Variants in INO80C observed in about 807,000 individuals in gnomAD.
INO80C encodes the protein IES6 homolog.
Under a neutral mutation model 17.7 loss-of-function variants are expected in INO80C, and 17 were observed. That is an observed-to-expected ratio of 0.96 (90% CI 0.66 to 1.44). The LOEUF is 1.44. Among genes scored for constraint, INO80C ranks in the 40% most tolerant of loss-of-function variants. INO80C has a pLI of 0.00. For synonymous variants in INO80C, 96 were observed against 95.8 expected, an observed-to-expected ratio of 1.00 and a Z score of -0.01; for missense variants, 244 against 245.0, an observed-to-expected ratio of 1.00 and a Z score of 0.03.
intron 1 of INO80C, among the ~76,000 whole-genome samples, chr18:35,484,893 T>C (rs567059523): frequency 1.3e-5 from 2 of 152,198 alleles, no homozygotes; most frequent in Admixed American, 6.5e-5. Flanking sequence ...AAGAAAGCAC[T>C]TGTGTCAGTT....
At chr18:35,484,745 G>C (rs2045853007) in intron 1 of INO80C, among the ~76,000 whole-genome samples, 1 of 152,150 alleles carries the variant, frequency 6.6e-6, no homozygotes, top group African/African-American at 2.4e-5. Flanking sequence ...GGTACCCATA[G>C]GAGGTCCTGG....
chr18:35,497,445 G>C, intron 1 of INO80C: 1 of 1,241,898 alleles, frequency 8.1e-7, no homozygotes, highest in Non-Finnish European at 1.0e-6. Context: ...CATGCTAAAG[G>C]CGACCTCGAG....
At chr18:35,470,603 T>C (rs1367158992) in intron 4 of INO80C, among the ~76,000 whole-genome samples, 1 of 152,296 alleles carries the variant, frequency 6.6e-6, no homozygotes, top group East Asian at 1.9e-4. Context: ...CTGAGCTCCA[T>C]GTCTGTGGCT....
Position 35,478,278 on chromosome 18 carries a change from T to A in INO80C, c.447+4A>T. On this transcript the variant is annotated splice_donor_region_variant and intron_variant, in intron 4 of 4. Transcript: ENST00000334598. ...AATGTTATAAGAGATATAATCATAC[T>A]CACAAGCAGACCTGAAACATCAGAA... 1.9e-6 allele frequency: 3 copies of A among 1,586,146 alleles called. No homozygotes were observed. The highest frequency in any genetic ancestry group is 2.6e-6 in the Non-Finnish European group (3 of 1,158,030).
chr18:35,469,621 G>A (rs938749325), intron 4 of INO80C, among the ~76,000 whole-genome samples: 12 of 152,080 alleles, frequency 7.9e-5, no homozygotes, highest in African/African-American at 1.5e-4. Flanking sequence ...ACCCCCACAG[G>A]AGGTCAGAAC....
intron 1 of INO80C, 123 bp from the exon 2 acceptor site, chr18:35,480,686 G>T: frequency 1.4e-6 from 1 of 727,460 alleles, no homozygotes; most frequent in Non-Finnish European, 2.4e-6. Context: ...TATGCCCAGA[G>T]CTCCAGCAGG....
intron 4 of INO80C, among the ~76,000 whole-genome samples, chr18:35,472,655 C>G (rs1391862254): frequency 6.6e-6 from 1 of 152,070 alleles, no homozygotes; most frequent in Non-Finnish European, 1.5e-5. Flanking sequence ...TTTTTTTAAT[C>G]TCAACAGACT....
At chr18:35,497,553 A>C in intron 1 of INO80C, 166 bp downstream of exon 1, 1 of 1,415,220 alleles carries the variant, frequency 7.1e-7, no homozygotes, top group Non-Finnish European at 9.2e-7. Context: ...CCATGTGTCC[A>C]AACGAAGGGA....
intron 1 of INO80C, among the ~76,000 whole-genome samples, chr18:35,481,816 G>A (rs1332951319): frequency 2.6e-5 from 4 of 152,084 alleles, no homozygotes; most frequent in African/African-American, 4.8e-5. Flanking sequence ...CCTGGGAGGC[G>A]GAGGCTGCAG....
chr18:35,495,500 T>G (rs2045971944), intron 1 of INO80C, among the ~76,000 whole-genome samples: 2 of 152,160 alleles, frequency 1.3e-5, no homozygotes, highest in Admixed American at 1.3e-4. Flanking sequence ...CAGCTTCTCC[T>G]GAGGCTGCTG....
rs1403611211 is a variant in INO80C at position 35,478,281 on chromosome 18, C to G, written c.447+1G>C. 8 of 1,592,448 alleles carry G rather than the reference C, an allele frequency of 5.0e-6. No individual in the cohort carries two copies. Among genetic ancestry groups the G allele is most frequent in the Non-Finnish European group, 6.9e-6 (8 of 1,163,864 alleles). The stretch of plus-strand genomic sequence containing the variant: ...GTTATAAGAGATATAATCATACTCA[C>G]AAGCAGACCTGAAACATCAGAATAC... On this transcript the variant is annotated splice_donor_variant, in intron 4 of 4. Transcript: ENST00000334598. LOFTEE classifies it high-confidence loss of function.
intron 4 of INO80C, among the ~76,000 whole-genome samples, chr18:35,472,577 T>C (rs2045683557): frequency 6.6e-6 from 1 of 152,222 alleles, no homozygotes. Context: ...GTAGTTTCTT[T>C]TGCTGTGTGC....
At chr18:35,489,262 T>C in intron 1 of INO80C, 1 of 253,912 alleles carries the variant, frequency 3.9e-6, no homozygotes, top group Non-Finnish European at 7.8e-6. Context: ...TTAGTCCATT[T>C]TCATGCTGCT....
Position 35,479,369 on chromosome 18 carries a change from TTC to T in INO80C, c.308_309del (p.Arg103AsnfsTer12). Reference protein sequence around the residue: ...HGGAVAGKKNRTWKNLKQILA... With the variant: ...HGGAVAGKKNXTWKNLKQILA... ...AGGATTTGTTTCAGGTTCTTCCAGG[TTC>T]TGTTCTTCTTGCCAGCTACTGCGCC... On this transcript the variant is annotated frameshift_variant, in exon 3 of 5. Transcript: ENST00000334598. LOFTEE classifies it high-confidence loss of function. 6.2e-7 allele frequency: 1 copy of T among 1,614,122 alleles called. No homozygotes were observed. The highest frequency in any genetic ancestry group is 1.3e-5 in the African/African-American group (1 of 75,042).
At chr18:35,497,234 G>T in intron 1 of INO80C, 1 of 597,118 alleles carries the variant, frequency 1.7e-6, no homozygotes, top group Non-Finnish European at 2.1e-6. Flanking sequence ...GACCAAACCT[G>T]CCTTTGGATT....
rs536040126 is a variant in INO80C, at chr18:35,468,463, C to A, written c.*148G>T. 2.1e-6 allele frequency: 3 copies of A among 1,427,190 alleles called. No individual in the cohort carries two copies. The highest frequency in any genetic ancestry group is 2.5e-5 in the Admixed American group (1 of 39,974). 88.4% of individuals were successfully genotyped at this position (1,427,190 alleles called of 1,614,324 possible). On this transcript the variant is annotated 3_prime_UTR_variant, in exon 5 of 5. Transcript: ENST00000334598. ...AAACACACACTAAAAAAAAAAAAAA[C>A]CCTTAAATTAAAGCCAAACATTCTT... is the stretch of plus-strand genomic sequence containing the variant.
At position 35,497,924 on chromosome 18, in the gene INO80C, C is replaced by T. The variant is rs759501782; in HGVS notation, c.-50G>A. The T allele has an allele frequency of 8.8e-6, 13 of 1,476,860 alleles. No individual in the cohort carries two copies. The East Asian group carries it at 1.6e-4, about 18-fold the overall frequency. 91.5% of individuals were successfully genotyped at this position (1,476,860 alleles called of 1,614,324 possible). A position where few individuals can be genotyped will look rare whatever the true frequency, so the allele number is the denominator to read the frequency against. On this transcript the variant is annotated 5_prime_UTR_variant, in exon 1 of 5. Coordinates refer to ENST00000334598, the MANE Select transcript of INO80C (RefSeq NM_194281.4). ...CCCCCACCTTTTTCCCAGCGCGGGC[C>T]TTGGAACTTCCTTTCCGCTGTTACT...
chr18:35,480,333 G>T, intron 2 of INO80C, 120 bp downstream of exon 2: 1 of 719,468 alleles, frequency 1.4e-6, no homozygotes. Flanking sequence ...AGGGGAGAAG[G>T]AGGTAACTGA....
At chr18:35,468,947 G>A (rs936038760) in intron 4 of INO80C, among the ~76,000 whole-genome samples, 2 of 151,946 alleles carry the variant, frequency 1.3e-5, no homozygotes, top group Non-Finnish European at 1.5e-5. Context: ...GGGTATGGAC[G>A]AGAGGAAGGG....
Sources: allele counts gnomAD v4.1 joint callset (sites outside exome capture counted in the v4.1 genomes callset), GRCh38; gene constraint gnomAD v4.1.1; transcripts MANE v1.5; gene names NCBI Gene and HGNC (gene_info 2026-07-23, HGNC 2026-07-21).